The following TMPRSS13 variants were observed in gnomAD, a reference collection of about 807,000 sequenced individuals.
TMPRSS13 encodes the protein transmembrane serine protease 13.
In TMPRSS13, 50 loss-of-function variants were observed where a neutral mutation model predicts 68.4. The observed-to-expected ratio is 0.73, with a 90% CI of 0.58 to 0.93. The LOEUF is 0.93. Ranked by LOEUF, TMPRSS13 falls within the 40% of genes least tolerant of loss-of-function variation. TMPRSS13 has a pLI of 0.00. For synonymous variants in TMPRSS13, 267 were observed against 285.8 expected (o/e 0.93, Z 0.66); for missense variants, 615 against 729.2 (o/e 0.84, Z 1.80).
rs1314211200 is a variant in TMPRSS13 at position 117,901,388 on chromosome 11, GC to G, written c.*850del. 1 of 152,594 alleles carries G rather than the reference GC, an allele frequency of 6.6e-6. No individual in the cohort carries two copies. The highest frequency in any genetic ancestry group is 2.4e-5 in the African/African-American group (1 of 41,432). 9.5% of individuals were successfully genotyped at this position (152,594 alleles called of 1,614,324 possible). On this transcript the variant is annotated 3_prime_UTR_variant, in exon 13 of 13. Transcript: ENST00000524993. Reference sequence around the variant, plus strand: ...CAGATGCTGTAGTGACTTGGGGGATGCCCATCCTGGGGACTTTGTCCAGTCT... The same window carrying G: ...CAGATGCTGTAGTGACTTGGGGGATGCCATCCTGGGGACTTTGTCCAGTCT...
intron 12 of TMPRSS13, chr11:117,903,255 G>T (rs2057425906): frequency 1.5e-6 from 2 of 1,312,022 alleles, no homozygotes; most frequent in Non-Finnish European, 2.0e-6. Context: ...AAAACAAACA[G>T]AGCTGGGAAA....
rs535177070 is a variant in TMPRSS13, at chr11:117,904,974, G to C, written c.1381+664C>G. Among the ~76,000 whole-genome samples, 4 of 147,842 alleles carry C rather than the reference G, an allele frequency of 2.7e-5. No homozygotes were observed. In the South Asian group the frequency reaches 8.7e-4, roughly 32 times the overall value. ...AGTGGCATGATCATGGCTCACTGTAGCCTCAACCTCCCTGGGATCAAGTGA... is the reference window on the plus strand; with the variant it reads ...AGTGGCATGATCATGGCTCACTGTACCCTCAACCTCCCTGGGATCAAGTGA... On this transcript the variant is annotated intron_variant, in intron 10 of 12. Coordinates refer to ENST00000524993, the MANE Select transcript of TMPRSS13 (RefSeq NM_001077263.3).
At chr11:117,913,572 G>C (rs903369419) in intron 5 of TMPRSS13, among the ~76,000 whole-genome samples, 1 of 151,856 alleles carries the variant, frequency 6.6e-6, no homozygotes, top group African/African-American at 2.4e-5. Flanking sequence ...TCATTATGTT[G>C]GCCTCATGAA....
intron 10 of TMPRSS13, among the ~76,000 whole-genome samples, chr11:117,904,563 G>A (rs2057444203): frequency 1.3e-5 from 2 of 152,220 alleles, no homozygotes; most frequent in Non-Finnish European, 2.9e-5. Flanking sequence ...GACAAGAGGA[G>A]AAGTAGGCTG....
intron 1 of TMPRSS13, among the ~76,000 whole-genome samples, chr11:117,924,177 C>CAAGAAAAGAAAAGAAAAGAAAAGA (rs2057675550): frequency 9.5e-6 from 1 of 105,244 alleles, no homozygotes; most frequent in South Asian, 3.4e-4. Flanking sequence ...GACCCCATCT[C>CAAGAAAAGAAAAGAAAAGAAAAGA]AAAGAAAAGA....
chr11:117,911,383 C>T (rs191893949), intron 6 of TMPRSS13, among the ~76,000 whole-genome samples: 142 of 152,234 alleles, frequency 9.3e-4, no homozygotes, highest in Middle Eastern at 3.4e-3. Context: ...AGTAGAGGAG[C>T]GGCATGTGCA....
In TMPRSS13 at chr11:117,917,156, T is replaced by C. The variant is rs1428656729; in HGVS notation, c.556+14A>G. 1 of 1,606,254 alleles carries C rather than the reference T, an allele frequency of 6.2e-7. No homozygotes were observed. Reference sequence around the variant, plus strand: ...GTGCCCAGAACCCACCCCTGCACCCTCCATTCAACTCACAGAGGATGATGA... The same window carrying C: ...GTGCCCAGAACCCACCCCTGCACCCCCCATTCAACTCACAGAGGATGATGA... On this transcript the variant is annotated intron_variant, in intron 3 of 12. Coordinates refer to ENST00000524993, the MANE Select transcript of TMPRSS13 (RefSeq NM_001077263.3).
chr11:117,924,954 T>C (rs2057689862), intron 1 of TMPRSS13, among the ~76,000 whole-genome samples: 1 of 152,036 alleles, frequency 6.6e-6, no homozygotes, highest in African/African-American at 2.4e-5. Flanking sequence ...AGGGTCTGCC[T>C]CGCCCTGGGG....
intron 5 of TMPRSS13, among the ~76,000 whole-genome samples, chr11:117,913,407 A>G (rs778112298): frequency 1.3e-5 from 2 of 152,180 alleles, no homozygotes; most frequent in Non-Finnish European, 2.9e-5. Context: ...GCACAACCTG[A>G]GCTTCTAGTT....
chr11:117,926,886 A>G (rs2057712820), intron 1 of TMPRSS13, among the ~76,000 whole-genome samples: 1 of 152,136 alleles, frequency 6.6e-6, no homozygotes, highest in Non-Finnish European at 1.5e-5. Context: ...ATCTATCTCT[A>G]TCTCTCTATG....
At chr11:117,904,294 C>T (rs1030760509) in intron 10 of TMPRSS13, among the ~76,000 whole-genome samples, 193 bp from the exon 11 acceptor site, 6 of 152,318 alleles carry the variant, frequency 3.9e-5, no homozygotes, top group African/African-American at 7.2e-5. Flanking sequence ...TGGGCACACA[C>T]GCCCTCACAC....
chr11:117,901,346 G>A lies in TMPRSS13; in HGVS notation c.*893C>T, dbSNP rs920193759. On this transcript the variant is annotated 3_prime_UTR_variant, in exon 13 of 13. Coordinates refer to ENST00000524993, the MANE Select transcript of TMPRSS13 (RefSeq NM_001077263.3). ...CCCAAACAAGGATTTGCTTCCCTGA[G>A]TATCTCCTAGGGGCTCCAGATGCTG... 5 of 152,598 alleles carry A rather than the reference G, an allele frequency of 3.3e-5. No homozygotes were observed. Among genetic ancestry groups the A allele is most frequent in the Admixed American group, 2.6e-4 (4 of 15,288 alleles). The allele number at this position is 152,598 out of a possible 1,614,324, so 9.5% of individuals were successfully genotyped here.
intron 1 of TMPRSS13, among the ~76,000 whole-genome samples, chr11:117,924,379 C>T (rs1466838155): frequency 6.6e-6 from 1 of 152,110 alleles, no homozygotes; most frequent in Non-Finnish European, 1.5e-5. Context: ...CTGTCCCTTA[C>T]CAGCCTCCAT....
At chr11:117,917,720 A>G (rs548170496) in intron 2 of TMPRSS13, among the ~76,000 whole-genome samples, 21 of 152,164 alleles carry the variant, frequency 1.4e-4, no homozygotes, top group Non-Finnish European at 2.4e-4. Flanking sequence ...CCCACCCTGG[A>G]GAGGGCAAGG....
intron 5 of TMPRSS13, 87 bp from the exon 6 acceptor site, chr11:117,911,947 TGCC>T: frequency 9.2e-7 from 1 of 1,091,644 alleles, no homozygotes; most frequent in Non-Finnish European, 1.4e-6. Context: ...CCACCAGCCC[TGCC>T]GACAGAGGCC....
intron 1 of TMPRSS13, among the ~76,000 whole-genome samples, chr11:117,921,718 T>C (rs1346865809): frequency 6.6e-6 from 1 of 152,178 alleles, no homozygotes. Flanking sequence ...TATCTAGCTC[T>C]GGTCTGGGTA....
rs963530721 is a variant in TMPRSS13 at position 117,910,765 on chromosome 11, A to G, written c.903-15T>C. 5 of 1,603,942 alleles carry G rather than the reference A, an allele frequency of 3.1e-6. No homozygotes were observed. The African/African-American group carries it at 5.4e-5, about 17-fold the overall frequency. ...GGCATTCAGACCTGCAGGGGGAGACACAGAAAGTGGGAAAAGGGCACATTA... is the reference window on the plus strand; with the variant it reads ...GGCATTCAGACCTGCAGGGGGAGACGCAGAAAGTGGGAAAAGGGCACATTA... On this transcript the variant is annotated splice_polypyrimidine_tract_variant and intron_variant, in intron 6 of 12. Transcript: ENST00000524993.
chr11:117,909,675 T>A (rs2057500248), intron 8 of TMPRSS13, 131 bp downstream of exon 8: 3 of 1,114,514 alleles, frequency 2.7e-6, no homozygotes, highest in Non-Finnish European at 3.8e-6. Context: ...GCTACACCAG[T>A]GCCAACTGGC....
chr11:117,914,009 A>C lies in TMPRSS13; in HGVS notation c.680-103T>G. ...GCTTTGAGAAAGCGCTTGTCCTGAC[A>C]GCACTCCTTGCTGAGGCCTGGGAAA... is the stretch of plus-strand genomic sequence containing the variant. On this transcript the variant is annotated intron_variant, in intron 4 of 12. Coordinates refer to ENST00000524993, the MANE Select transcript of TMPRSS13 (RefSeq NM_001077263.3). This position sits in a 1 kb window ranked among gnomAD's most constrained non-coding sequence, Gnocchi z 4.2. 1.5e-6 allele frequency: 2 copies of C among 1,376,178 alleles called. No individual in the cohort carries two copies. Among genetic ancestry groups the C allele is most frequent in the African/African-American group, 1.4e-5 (1 of 69,574 alleles). 85.2% of individuals were successfully genotyped at this position (1,376,178 alleles called of 1,614,324 possible). A position where few individuals can be genotyped will look rare whatever the true frequency, so the allele number is the denominator to read the frequency against.
Sources: gnomAD v4.1 joint callset for allele counts (sites outside exome capture counted in the v4.1 genomes callset) on GRCh38, gnomAD v4.1.1 for gene constraint, Gnocchi (gnomAD v3.1) non-coding constraint, MANE v1.5 for transcripts, NCBI Gene and HGNC (gene_info 2026-07-23, HGNC 2026-07-21) for gene names.